Variants in PDS5B observed in about 807,000 individuals in gnomAD.
PDS5B encodes PDS5 cohesin associated factor B, also known as sister chromatid cohesion protein PDS5 homolog B.
In PDS5B, 51 loss-of-function variants were observed where a neutral mutation model predicts 184.1. The ratio of observed to expected loss-of-function variants is 0.28; its 90% CI spans 0.22 to 0.35. The LOEUF (loss-of-function observed/expected upper bound fraction) is 0.35, where lower values mean the gene tolerates loss of function less well. Ranked by LOEUF, PDS5B falls within the 10% of genes least tolerant of loss-of-function variation. The pLI, the probability that PDS5B is intolerant of heterozygous loss-of-function variation, is 1.00. For missense variants in PDS5B, 1,180 were observed against 1,723.3 expected (o/e 0.68, Z 5.58); for synonymous variants, 566 against 569.2 (o/e 0.99, Z 0.08).
At chr13:32,654,347 T>G (rs573898787) in intron 3 of PDS5B, among the ~76,000 whole-genome samples, 1 of 152,350 alleles carries the variant, frequency 6.6e-6, no homozygotes, top group South Asian at 2.1e-4. Context: ...ACCCCTTTTA[T>G]ACAGTTGGCT....
At chr13:32,679,811 A>G (rs1951181877) in intron 10 of PDS5B, among the ~76,000 whole-genome samples, 1 of 151,524 alleles carries the variant, frequency 6.6e-6, no homozygotes, top group South Asian at 2.1e-4. Flanking sequence ...AGGGCCATCC[A>G]TTCTTCCTCC....
At chr13:32,728,909 T>C (rs2140943906) in intron 19 of PDS5B, among the ~76,000 whole-genome samples, 1 of 152,284 alleles carries the variant, frequency 6.6e-6, no homozygotes, top group African/African-American at 2.4e-5. Context: ...TCATGCATTT[T>C]AGGGTAATTT....
At chr13:32,771,720 T>C (rs1331436629) in intron 33 of PDS5B, among the ~76,000 whole-genome samples, 1 of 152,162 alleles carries the variant, frequency 6.6e-6, no homozygotes, top group Admixed American at 6.5e-5. Context: ...GGCAGCTTTA[T>C]AAATGTGTTT....
chr13:32,741,019 A>G, intron 21 of PDS5B, 61 bp from the exon 22 acceptor site: 5 of 997,446 alleles, frequency 5.0e-6, no homozygotes, highest in Non-Finnish European at 7.8e-6. Context: ...TGCTAATTGA[A>G]AAGAATTCAT....
At chr13:32,743,189 G>GT (rs901246257) in intron 23 of PDS5B, among the ~76,000 whole-genome samples, 61 of 152,050 alleles carry the variant, frequency 4.0e-4, no homozygotes, top group African/African-American at 1.3e-3. Flanking sequence ...GAAAGATGTA[G>GT]TAAGTACAGT....
chr13:32,768,999 A>T (rs1448343833), intron 31 of PDS5B, among the ~76,000 whole-genome samples: 1 of 150,342 alleles, frequency 6.7e-6, no homozygotes, highest in Admixed American at 6.6e-5. Context: ...AGACACCTGT[A>T]GTCCCAGCTA....
intron 3 of PDS5B, among the ~76,000 whole-genome samples, chr13:32,654,639 A>G (rs980744136): frequency 6.6e-6 from 1 of 152,254 alleles, no homozygotes. Context: ...TCACCCAGGT[A>G]AAAGCATGGT....
At chr13:32,717,165 A>G (rs1468500194) in intron 19 of PDS5B, among the ~76,000 whole-genome samples, 3 of 150,958 alleles carry the variant, frequency 2.0e-5, no homozygotes, top group Non-Finnish European at 4.4e-5. Flanking sequence ...CCCCTCTGCC[A>G]GGCCACCACC....
rs113553382 is a variant in PDS5B, at chr13:32,747,339, A to G, written c.2736+1239A>G. 1.8e-4 allele frequency among the ~76,000 whole-genome samples: 27 copies of G among 152,236 alleles called. 1 individual carries two copies. The highest frequency in any genetic ancestry group is 6.3e-4 in the African/African-American group (26 of 41,540). Reference sequence around the variant, plus strand: ...ATTCTTCCTCCCCACCCTTTATTCTAGTACATATTTTTAAATTGCCACTTA... The same window carrying G: ...ATTCTTCCTCCCCACCCTTTATTCTGGTACATATTTTTAAATTGCCACTTA... On this transcript the variant is annotated intron_variant, in intron 24 of 34. Transcript: ENST00000315596.
chr13:32,703,133 TACATGACAA>T (rs1951910332), intron 17 of PDS5B, among the ~76,000 whole-genome samples: 1 of 152,122 alleles, frequency 6.6e-6, no homozygotes, highest in African/African-American at 2.4e-5. Flanking sequence ...TTCCTACTTG[TACATGACAA>T]ACAATTAAAA....
intron 21 of PDS5B, among the ~76,000 whole-genome samples, chr13:32,739,486 C>T (rs1320490325): frequency 6.6e-6 from 1 of 152,100 alleles, no homozygotes; most frequent in Admixed American, 6.5e-5. Flanking sequence ...TTTGGTAATT[C>T]TGATTTTATA....
chr13:32,694,112 CATCTCTG>C, intron 13 of PDS5B, 104 bp from the exon 14 acceptor site: 1 of 697,902 alleles, frequency 1.4e-6, no homozygotes, highest in Non-Finnish European at 2.4e-6. Context: ...AATTTCATCT[CATCTCTG>C]TCATCTCCTT....
intron 21 of PDS5B, among the ~76,000 whole-genome samples, chr13:32,739,510 C>T (rs191991553): frequency 3.3e-5 from 5 of 152,216 alleles, no homozygotes; most frequent in African/African-American, 1.2e-4. Flanking sequence ...ATCTTTCTTG[C>T]TAAATTCTAA....
chr13:32,650,165 G>C (rs914891798), intron 2 of PDS5B: 12 of 152,120 alleles, frequency 7.9e-5, no homozygotes, highest in African/African-American at 2.9e-4. Flanking sequence ...CAGCATTTGA[G>C]TTGTAGACAG....
At chr13:32,683,230 G>C (rs187324607) in intron 10 of PDS5B, among the ~76,000 whole-genome samples, 1 of 151,830 alleles carries the variant, frequency 6.6e-6, no homozygotes, top group African/African-American at 2.4e-5. Flanking sequence ...GGCCAGGCTG[G>C]TCTCCTGGCC....
intron 13 of PDS5B, chr13:32,691,022 TAAA>T (rs1951532891): frequency 6.6e-6 from 1 of 152,062 alleles, no homozygotes; most frequent in Non-Finnish European, 1.5e-5. Context: ...TATGTAATAA[TAAA>T]GAAATCACGT....
At chr13:32,717,136 C>A (rs2140912199) in intron 19 of PDS5B, among the ~76,000 whole-genome samples, 1 of 152,288 alleles carries the variant, frequency 6.6e-6, no homozygotes, top group East Asian at 1.9e-4. Context: ...CCCGGCCGCC[C>A]CTACTGGGAA....
chr13:32,731,333 A>T lies in PDS5B; in HGVS notation c.2124-768A>T, dbSNP rs144605097. Among the ~76,000 whole-genome samples the T allele has an allele frequency of 7.1e-4, 108 of 152,234 alleles. 3 individuals carry two copies. In the East Asian group the frequency reaches 8.9e-3, roughly 13 times the overall value. ...CTCCTTTATTCGGTATTCGTTTTAA[A>T]TGTTTGAGTTATGAAATAATACGAT... On this transcript the variant is annotated intron_variant, in intron 19 of 34. Transcript: ENST00000315596.
At chr13:32,773,399 A>T (rs902888481) in intron 34 of PDS5B, 75 bp downstream of exon 34, 6 of 1,263,362 alleles carry the variant, frequency 4.7e-6, no homozygotes, top group Non-Finnish European at 5.5e-6. Context: ...ATCATTTAGT[A>T]CTTGTTTAGT....
Sources: gnomAD v4.1 joint callset for allele counts (sites outside exome capture counted in the v4.1 genomes callset) on GRCh38, gnomAD v4.1.1 for gene constraint, MANE v1.5 for transcripts, NCBI Gene and HGNC (gene_info 2026-07-23, HGNC 2026-07-21) for gene names.